The following MOSMO variants were observed in gnomAD, a reference collection of about 807,000 sequenced individuals.
MOSMO encodes modulator of smoothened protein.
A neutral mutation model predicts 18.4 loss-of-function variants in MOSMO; 5 were observed. The ratio of observed to expected loss-of-function variants is 0.27; its 90% CI spans 0.14 to 0.57. MOSMO has a LOEUF of 0.57. Ranked by LOEUF, MOSMO falls within the 20% of genes least tolerant of loss-of-function variation. MOSMO has a pLI of 0.92. For synonymous variants in MOSMO, 82 were observed against 82.3 expected (o/e 1.00, Z 0.02); for missense variants, 138 against 211.8 (o/e 0.65, Z 2.16).
Position 22,083,610 on chromosome 16 carries a change from T to A in MOSMO, c.*2730T>A. The A allele has an allele frequency of 4.5e-6, 2 of 448,808 alleles. No individual in the cohort carries two copies. Among genetic ancestry groups the A allele is most frequent in the South Asian group, 3.2e-5 (2 of 62,358 alleles). 27.8% of individuals were successfully genotyped at this position (448,808 alleles called of 1,614,324 possible). A position where few individuals can be genotyped will look rare whatever the true frequency, so the allele number is the denominator to read the frequency against. On this transcript the variant is annotated 3_prime_UTR_variant, in exon 3 of 3. Transcript: ENST00000542527. ...TAGCAGGAAATCGTATCTTGTAAAC[T>A]GTATATAAAACACTGTTTTATGGTG... is the stretch of plus-strand genomic sequence containing the variant.
chr16:22,067,315 T>C (rs1900765766), intron 1 of MOSMO, among the ~76,000 whole-genome samples: 1 of 152,044 alleles, frequency 6.6e-6, no homozygotes. Flanking sequence ...AGAAAAACAA[T>C]GGCTAAAAAC....
At chr16:22,021,455 A>G (rs1419446534) in intron 1 of MOSMO, among the ~76,000 whole-genome samples, 2 of 152,146 alleles carry the variant, frequency 1.3e-5, no homozygotes. Context: ...TTGAAAATAA[A>G]AGTGAGTGTA....
At chr16:22,050,387 C>T (rs1435921729) in intron 1 of MOSMO, among the ~76,000 whole-genome samples, 5 of 152,134 alleles carry the variant, frequency 3.3e-5, no homozygotes, top group African/African-American at 1.2e-4. Context: ...GAAGGTAAAC[C>T]TGTTTCTAGA....
rs1230756679 is a variant in MOSMO, at chr16:22,008,189, G to C, written c.-113G>C. On this transcript the variant is annotated 5_prime_UTR_variant, in exon 1 of 3. Transcript: ENST00000542527. ...CGCGAGCGGCGCGCGGGGGCCGAGG[G>C]GGCGCGAGGCAGCGGCGCGGGGACT... 1 of 311,296 alleles carries C rather than the reference G, an allele frequency of 3.2e-6. No individual in the cohort carries two copies. The highest frequency in any genetic ancestry group is 5.0e-6 in the Non-Finnish European group (1 of 200,122). 19.3% of individuals were successfully genotyped at this position (311,296 alleles called of 1,614,324 possible). A position where few individuals can be genotyped will look rare whatever the true frequency, so the allele number is the denominator to read the frequency against.
At chr16:22,012,068 CA>C (rs1462460268) in intron 1 of MOSMO, among the ~76,000 whole-genome samples, 1 of 151,888 alleles carries the variant, frequency 6.6e-6, no homozygotes, top group Non-Finnish European at 1.5e-5. Context: ...AACCTGGCAA[CA>C]AAAAGTTAAT....
chr16:22,076,616 AT>A lies in MOSMO; in HGVS notation c.319+918del, dbSNP rs200450234. On this transcript the variant is annotated intron_variant, in intron 2 of 2. Transcript: ENST00000542527. ...ACTTTTAATTCAGTGCCTTAAAATA[AT>A]CTCAGGTTTGCATACATTTTTAAAA... Among the ~76,000 whole-genome samples the A allele has an allele frequency of 7.0e-3, 1,068 of 152,348 alleles. 6 individuals are homozygous for A. Among genetic ancestry groups the A allele is most frequent in the Middle Eastern group, 0.02 (6 of 294 alleles).
rs1567516940 is a variant in MOSMO at position 22,082,153 on chromosome 16, T to A, written c.*1273T>A. The A allele has an allele frequency of 6.6e-6, 1 of 152,230 alleles. No individual in the cohort carries two copies. The highest frequency in any genetic ancestry group is 1.5e-5 in the Non-Finnish European group (1 of 68,042). 9.4% of individuals were successfully genotyped at this position (152,230 alleles called of 1,614,324 possible). On this transcript the variant is annotated 3_prime_UTR_variant, in exon 3 of 3. Transcript: ENST00000542527. ...TACAACACTAATTTCATTATTTTTA[T>A]CTGTAAGCATTATTAATACATCTTT... is the stretch of plus-strand genomic sequence containing the variant.
intron 1 of MOSMO, among the ~76,000 whole-genome samples, chr16:22,047,571 A>G (rs941177261): frequency 6.6e-6 from 1 of 152,072 alleles, no homozygotes; most frequent in African/African-American, 2.4e-5. Context: ...CCATTCCTGT[A>G]TTGATAGATA....
At chr16:22,019,255 C>G (rs1423800147) in intron 1 of MOSMO, among the ~76,000 whole-genome samples, 1 of 152,174 alleles carries the variant, frequency 6.6e-6, no homozygotes, top group Non-Finnish European at 1.5e-5. Context: ...TTTTTCCCCG[C>G]ATGAATGTAC....
At chr16:22,079,589 C>T (rs888519234) in intron 2 of MOSMO, among the ~76,000 whole-genome samples, 2 of 152,124 alleles carry the variant, frequency 1.3e-5, no homozygotes, top group Non-Finnish European at 2.9e-5. Context: ...TAATATACTC[C>T]TTTGTGTTTA....
chr16:22,067,353 T>C (rs1221605396), intron 1 of MOSMO, among the ~76,000 whole-genome samples: 1 of 152,080 alleles, frequency 6.6e-6, no homozygotes, highest in African/African-American at 2.4e-5. Flanking sequence ...AAACTATACA[T>C]TGAAAAATCT....
intron 1 of MOSMO, among the ~76,000 whole-genome samples, chr16:22,028,032 T>C (rs567910669): frequency 2.0e-3 from 297 of 152,298 alleles, no homozygotes; most frequent in Non-Finnish European, 2.7e-3. Context: ...TTTATTGGTG[T>C]CAGTTCTCTT....
At chr16:22,038,113 A>C (rs1900142573) in intron 1 of MOSMO, among the ~76,000 whole-genome samples, 1 of 152,074 alleles carries the variant, frequency 6.6e-6, no homozygotes, top group Non-Finnish European at 1.5e-5. Flanking sequence ...AACTCTCATC[A>C]CTCTGGAAAT....
intron 1 of MOSMO, among the ~76,000 whole-genome samples, chr16:22,049,301 A>G (rs940178102): frequency 6.6e-6 from 1 of 152,166 alleles, no homozygotes; most frequent in Non-Finnish European, 1.5e-5. Context: ...CCTGGGCTCA[A>G]GTGACCTTCT....
intron 1 of MOSMO, among the ~76,000 whole-genome samples, chr16:22,045,526 T>C (rs1016795524): frequency 6.6e-6 from 1 of 152,196 alleles, no homozygotes; most frequent in African/African-American, 2.4e-5. Flanking sequence ...TTGCATTTCT[T>C]AAAAAGATTT....
chr16:22,028,529 A>G (rs1261424051), intron 1 of MOSMO, among the ~76,000 whole-genome samples: 2 of 152,108 alleles, frequency 1.3e-5, no homozygotes, highest in Non-Finnish European at 2.9e-5. Context: ...CCAAAACTCT[A>G]CACCCATTAA....
intron 1 of MOSMO, among the ~76,000 whole-genome samples, chr16:22,041,621 G>A (rs541331979): frequency 6.1e-4 from 93 of 152,092 alleles, no homozygotes; most frequent in African/African-American, 2.2e-3. Flanking sequence ...CCAAAGTAAA[G>A]GGTTAAGCTT....
chr16:22,066,625 G>A (rs1767137901), intron 1 of MOSMO, among the ~76,000 whole-genome samples: 1 of 152,136 alleles, frequency 6.6e-6, no homozygotes, highest in Admixed American at 6.5e-5. Context: ...AGTCTTATTG[G>A]TTCAAAGAAT....
At position 22,044,276 on chromosome 16, in the gene MOSMO, C is replaced by A. The variant is rs377013577; in HGVS notation, c.107-31211C>A. On this transcript the variant is annotated intron_variant, in intron 1 of 2. Coordinates refer to ENST00000542527, the MANE Select transcript of MOSMO (RefSeq NM_001164579.2). ...GAAGGGATACATGTTTACCTGTTCCCCCAAGTTAGGTAGCCAGAAGTGTTG... is the reference window on the plus strand; with the variant it reads ...GAAGGGATACATGTTTACCTGTTCCACCAAGTTAGGTAGCCAGAAGTGTTG... Among the ~76,000 whole-genome samples the A allele has an allele frequency of 7.2e-5, 11 of 152,202 alleles. No individual in the cohort carries two copies. In the South Asian group the frequency reaches 2.3e-3, roughly 32 times the overall value.
Sources: allele counts gnomAD v4.1 joint callset (sites outside exome capture counted in the v4.1 genomes callset), GRCh38; gene constraint gnomAD v4.1.1; transcripts MANE v1.5; gene names NCBI Gene and HGNC (gene_info 2026-07-23, HGNC 2026-07-21).